DCC: variants seen among roughly 807,000 people sequenced by gnomAD.
DCC encodes DCC netrin 1 receptor.
DCC carries 58 observed loss-of-function variants against 172.5 expected under a neutral mutation model. The ratio of observed to expected loss-of-function variants is 0.34; its 90% confidence interval spans 0.27 to 0.42. The LOEUF (loss-of-function observed/expected upper bound fraction) is 0.42, where lower values mean the gene tolerates loss of function less well. DCC is among the 10% of genes least tolerant of loss of function. The pLI, the probability that DCC is intolerant of heterozygous loss-of-function variation, is 1.00. For missense variants in DCC, 1,740 were observed against 1,791.0 expected, an observed-to-expected ratio of 0.97 and a Z score of 0.51; for synonymous variants, 709 against 644.5, an observed-to-expected ratio of 1.10 and a Z score of -1.52.
intron 21 of DCC, among the ~76,000 whole-genome samples, chr18:53,433,496 T>C (rs919303101): frequency 1.3e-5 from 2 of 152,168 alleles, no homozygotes; most frequent in Non-Finnish European, 2.9e-5. Flanking sequence ...GTGATGATGT[T>C]AGCATCTCTT....
intron 1 of DCC, among the ~76,000 whole-genome samples, chr18:52,687,044 T>C (rs1198170149): frequency 6.6e-6 from 1 of 152,088 alleles, no homozygotes; most frequent in African/African-American, 2.4e-5. Flanking sequence ...TCTTCCCAAC[T>C]ACAGAGTGTA....
chr18:53,154,702 C>T (rs1304692677), intron 7 of DCC, among the ~76,000 whole-genome samples: 3 of 151,950 alleles, frequency 2.0e-5, no homozygotes, highest in Non-Finnish European at 4.4e-5. Flanking sequence ...CCCTAGCATG[C>T]GGTGAGTGAA....
chr18:53,285,333 A>C (rs1377807078), intron 12 of DCC, among the ~76,000 whole-genome samples: 1 of 152,084 alleles, frequency 6.6e-6, no homozygotes, highest in Non-Finnish European at 1.5e-5. Flanking sequence ...CAGTCTAGGG[A>C]CTTGGTGCCC....
intron 1 of DCC, among the ~76,000 whole-genome samples, chr18:52,725,527 G>A (rs1224604610): frequency 6.6e-6 from 1 of 152,180 alleles, no homozygotes; most frequent in Non-Finnish European, 1.5e-5. Flanking sequence ...TAAAGAAGCT[G>A]GCAGTGTGTG....
chr18:53,239,711 C>T (rs903705956), intron 12 of DCC, among the ~76,000 whole-genome samples: 1 of 152,042 alleles, frequency 6.6e-6, no homozygotes, highest in African/African-American at 2.4e-5. Flanking sequence ...TATTTGATCC[C>T]AGGAATCAGA....
At position 52,340,632 on chromosome 18, in the gene DCC, G is replaced by C; in HGVS notation, c.-156G>C. The C allele has an allele frequency of 2.7e-6, 2 of 750,416 alleles. No homozygotes were observed. The highest frequency in any genetic ancestry group is 4.9e-6 in the Non-Finnish European group (2 of 408,078). 46.5% of individuals were successfully genotyped at this position (750,416 alleles called of 1,614,324 possible). The stretch of plus-strand genomic sequence containing the variant: ...GCTTCGAAGGCAGCAGAGGCGCAGG[G>C]GAGGTGGAGAAAGAGGTGGAGGAAG... On this transcript the variant is annotated 5_prime_UTR_variant, in exon 1 of 29. Coordinates refer to ENST00000442544, the MANE Select transcript of DCC (RefSeq NM_005215.4).
In DCC at chr18:53,470,614, A is replaced by C. The variant is rs374636217; in HGVS notation, c.3736+2604A>C. The stretch of plus-strand genomic sequence containing the variant: ...GACTGGGTAATTCAAAAAACAAAGG[A>C]GGTTTAAATGACTGACAGTTCTGCA... On this transcript the variant is annotated intron_variant, in intron 25 of 28. Transcript: ENST00000442544. Among the ~76,000 whole-genome samples, 7 of 152,180 alleles carry C rather than the reference A, an allele frequency of 4.6e-5. No homozygotes were observed. In the East Asian group the frequency reaches 7.7e-4, roughly 17 times the overall value.
At chr18:53,469,114 C>A (rs894892939) in intron 25 of DCC, among the ~76,000 whole-genome samples, 1 of 152,176 alleles carries the variant, frequency 6.6e-6, no homozygotes, top group Non-Finnish European at 1.5e-5. Flanking sequence ...TTAACTCTGC[C>A]ATTTCTTCCC....
chr18:52,495,468 T>C (rs1302092241), intron 1 of DCC, among the ~76,000 whole-genome samples: 2 of 152,168 alleles, frequency 1.3e-5, no homozygotes, highest in Admixed American at 6.6e-5. Flanking sequence ...CCCAGCTTTA[T>C]GAAGTTCTTC....
chr18:53,257,576 TGGATAA>T (rs1163332362), intron 12 of DCC, among the ~76,000 whole-genome samples: 1 of 152,200 alleles, frequency 6.6e-6, no homozygotes, highest in Non-Finnish European at 1.5e-5. Context: ...TTGATCATAG[TGGATAA>T]GCTTTTTGAT....
intron 5 of DCC, among the ~76,000 whole-genome samples, chr18:52,975,487 T>A (rs2041102828): frequency 6.6e-6 from 1 of 152,200 alleles, no homozygotes; most frequent in African/African-American, 2.4e-5. Context: ...CATTAGTTGC[T>A]TTTCCTGATC....
chr18:53,064,671 CTTA>C (rs1217985931), intron 6 of DCC, among the ~76,000 whole-genome samples: 9 of 152,134 alleles, frequency 5.9e-5, no homozygotes, highest in African/African-American at 1.4e-4. Flanking sequence ...TTTATTACCA[CTTA>C]TTATTTTTCA....
At chr18:52,995,471 G>T (rs1444162506) in intron 5 of DCC, among the ~76,000 whole-genome samples, 3 of 116,088 alleles carry the variant, frequency 2.6e-5, no homozygotes, top group Non-Finnish European at 1.9e-5. Flanking sequence ...TGATTGCAGA[G>T]AAGAAAGTTT....
At chr18:53,106,065 A>G (rs1252064373) in intron 7 of DCC, among the ~76,000 whole-genome samples, 1 of 151,642 alleles carries the variant, frequency 6.6e-6, no homozygotes, top group Non-Finnish European at 1.5e-5. Flanking sequence ...TGGCAGTTTC[A>G]TGGGTATATC....
chr18:53,200,207 T>A lies in DCC; in HGVS notation c.1574-5009T>A, dbSNP rs188181774. Reference sequence around the variant, plus strand: ...GCCAATAGTAATTAAGCTACGTAGATATAAAGAAATTATCAGATGGGGAAA... The same window carrying A: ...GCCAATAGTAATTAAGCTACGTAGAAATAAAGAAATTATCAGATGGGGAAA... On this transcript the variant is annotated intron_variant, in intron 9 of 28. Transcript: ENST00000442544. 8.5e-5 allele frequency among the ~76,000 whole-genome samples: 13 copies of A among 152,270 alleles called. No individual in the cohort carries two copies. In the East Asian group the frequency reaches 2.3e-3, roughly 27 times the overall value.
chr18:52,980,942 C>CTTT (rs1182580865), intron 5 of DCC, among the ~76,000 whole-genome samples: 6 of 88,410 alleles, frequency 6.8e-5, no homozygotes, highest in African/African-American at 2.6e-4. Context: ...AAACATACTG[C>CTTT]TATTTTTTTT....
intron 15 of DCC, among the ~76,000 whole-genome samples, chr18:53,355,305 T>TG (rs36187704): frequency 0.98 from 148,466 of 152,180 alleles, 72,529 homozygotes; most frequent in Middle Eastern, 1. Flanking sequence ...TTTCCAATTC[T>TG]TGAAAAAAGT....
chr18:53,309,788 A>G (rs2057242851), intron 13 of DCC, among the ~76,000 whole-genome samples: 1 of 151,952 alleles, frequency 6.6e-6, no homozygotes, highest in Admixed American at 6.6e-5. Context: ...TTTGGATCCA[A>G]AATATGTAGG....
At chr18:53,255,699 A>G (rs146027153) in intron 12 of DCC, among the ~76,000 whole-genome samples, 1 of 152,132 alleles carries the variant, frequency 6.6e-6, no homozygotes, top group Non-Finnish European at 1.5e-5. Flanking sequence ...TTATAGCAGC[A>G]TGTTTTATAT....
Sources: gnomAD v4.1 joint callset for allele counts (sites outside exome capture counted in the v4.1 genomes callset) on GRCh38, gnomAD v4.1.1 for gene constraint, MANE v1.5 for transcripts, NCBI Gene and HGNC (gene_info 2026-07-23, HGNC 2026-07-21) for gene names.